MYCBP2: variants seen among roughly 807,000 people sequenced by gnomAD.
The protein encoded by MYCBP2 is E3 ubiquitin-protein ligase MYCBP2.
In MYCBP2, 120 loss-of-function variants were observed where a neutral mutation model predicts 525.3. The observed-to-expected ratio is 0.23, with a 90% confidence interval of 0.20 to 0.27. MYCBP2 has a LOEUF of 0.27. Among genes scored for constraint, MYCBP2 ranks in the 10% least tolerant of loss-of-function variants. MYCBP2 has a pLI of 1.00. For missense variants in MYCBP2, 4,149 were observed against 5,657.1 expected, an observed-to-expected ratio of 0.73 and a Z score of 8.55; for synonymous variants, 1,894 against 1,955.8, an observed-to-expected ratio of 0.97 and a Z score of 0.83.
chr13:77,281,125 T>C (rs193002592), intron 3 of MYCBP2, among the ~76,000 whole-genome samples: 36 of 152,310 alleles, frequency 2.4e-4, no homozygotes, highest in African/African-American at 6.7e-4. Context: ...TGAAGTCTTA[T>C]AGTCAATGAA....
intron 54 of MYCBP2, among the ~76,000 whole-genome samples, chr13:77,123,355 A>T (rs993584928): frequency 2.0e-5 from 3 of 152,206 alleles, no homozygotes; most frequent in African/African-American, 7.2e-5. Context: ...TTACAGAGAA[A>T]AATTTAAACT....
rs185626022 is a variant in MYCBP2 at position 77,260,660 on chromosome 13, T to A, written c.1853-68A>T. On this transcript the variant is annotated intron_variant, in intron 12 of 82. Coordinates refer to ENST00000544440, the MANE Select transcript of MYCBP2 (RefSeq NM_015057.5). ...AATAATAATAATAATGGTTTGTATA[T>A]AAAGCTAAAAAAAAAACCCATATTA... 9.1e-5 allele frequency: 121 copies of A among 1,335,222 alleles called. No homozygotes were observed. In the African/African-American group the frequency reaches 1.7e-3, roughly 19 times the overall value. The allele number at this position is 1,335,222 out of a possible 1,614,324, so 82.7% of individuals were successfully genotyped here. A position where few individuals can be genotyped will look rare whatever the true frequency, so the allele number is the denominator to read the frequency against.
At chr13:77,199,081 C>T (rs1028212637) in intron 26 of MYCBP2, among the ~76,000 whole-genome samples, 63 of 152,214 alleles carry the variant, frequency 4.1e-4, no homozygotes, top group Non-Finnish European at 8.4e-4. Flanking sequence ...CAGCTCCCAG[C>T]GTGAGCAACA....
chr13:77,299,320 G>T lies in MYCBP2; in HGVS notation c.303-2646C>A, dbSNP rs147724831. Among the ~76,000 whole-genome samples, 983 of 152,192 alleles carry T rather than the reference G, an allele frequency of 6.5e-3. 20 individuals are homozygous for T. Among genetic ancestry groups the T allele is most frequent in the East Asian group, 0.057 (296 of 5,188 alleles). Reference sequence around the variant, plus strand: ...ACATTTCTAAAATACTTCTTTCTATGCATGATGGCATTTAATTGGTTGTAA... The same window carrying T: ...ACATTTCTAAAATACTTCTTTCTATTCATGATGGCATTTAATTGGTTGTAA... On this transcript the variant is annotated intron_variant, in intron 1 of 82. Coordinates refer to ENST00000544440, the MANE Select transcript of MYCBP2 (RefSeq NM_015057.5).
At chr13:77,201,702 C>T (rs1593815861) in intron 26 of MYCBP2, among the ~76,000 whole-genome samples, 2 of 151,704 alleles carry the variant, frequency 1.3e-5, no homozygotes, top group East Asian at 3.9e-4. Context: ...TCTCTCAGAC[C>T]ACAGTGCAAT....
rs568670212 is a variant in MYCBP2, at chr13:77,225,574, T to C, written c.2738-20A>G. 1.6e-5 allele frequency: 25 copies of C among 1,612,496 alleles called. No individual in the cohort carries two copies. The South Asian group carries it at 2.7e-4, about 18-fold the overall frequency. The stretch of plus-strand genomic sequence containing the variant: ...TTCCATCTGCAAGTGTTATAATTTG[T>C]GAATTATGATTAAGCCATTATTCAT... On this transcript the variant is annotated intron_variant, in intron 18 of 82. Transcript: ENST00000544440.
intron 1 of MYCBP2, among the ~76,000 whole-genome samples, chr13:77,313,574 C>T (rs2080536835): frequency 6.6e-6 from 1 of 152,088 alleles, no homozygotes; most frequent in Admixed American, 6.5e-5. Context: ...TTTTTAGCTA[C>T]AACACCAAGG....
intron 3 of MYCBP2, among the ~76,000 whole-genome samples, chr13:77,284,422 A>C (rs1488004123): frequency 1.3e-5 from 2 of 152,176 alleles, no homozygotes; most frequent in Non-Finnish European, 2.9e-5. Flanking sequence ...ACTTGCCTTC[A>C]AATCCCATCA....
chr13:77,057,226 AT>A, intron 78 of MYCBP2, 133 bp from the exon 79 acceptor site: 7 of 603,292 alleles, frequency 1.2e-5, no homozygotes. Flanking sequence ...TATAATGAAA[AT>A]TCATTGGGAC....
chr13:77,067,888 G>T lies in MYCBP2; in HGVS notation c.12172-24C>A, dbSNP rs550674669. 10 of 1,583,716 alleles carry T rather than the reference G, an allele frequency of 6.3e-6. No homozygotes were observed. In the South Asian group the frequency reaches 1.1e-4, roughly 18 times the overall value. Reference sequence around the variant, plus strand: ...ACCTGGTAAGAAAAATAAAATGAGAGAATTCCATGTAAAGACTAATGTTTT... The same window carrying T: ...ACCTGGTAAGAAAAATAAAATGAGATAATTCCATGTAAAGACTAATGTTTT... On this transcript the variant is annotated intron_variant, in intron 70 of 82. Coordinates refer to ENST00000544440, the MANE Select transcript of MYCBP2 (RefSeq NM_015057.5).
chr13:77,185,880 G>A lies in MYCBP2; in HGVS notation c.4435C>T (p.Pro1479Ser), dbSNP rs2060670980. Residue 1479 changes from proline to serine, a missense_variant, in exon 31 of 83, where the codon CCA becomes TCA. Physicochemically the swap from Pro to Ser is moderately conservative, Grantham distance 74 (BLOSUM62 -1). Transcript: ENST00000544440. The stretch of plus-strand genomic sequence containing the variant: ...AAAAAATGCATCATACCTGACACTG[G>A]GTAAATTTCACAGGTATAGACACGC... ...LLRVYTCEIY[P>S]VSATGKAVVE... The A allele has an allele frequency of 6.3e-7, 1 of 1,578,580 alleles. No homozygotes were observed. The highest frequency in any genetic ancestry group is 2.3e-5 in the East Asian group (1 of 44,016).
In MYCBP2 at chr13:77,064,654, T is replaced by G; in HGVS notation, c.12633A>C (p.Glu4211Asp). Residue 4211 changes from glutamate (E) to aspartate (D), a missense_variant, in exon 73 of 83, where the codon GAA (glutamate) becomes GAC (aspartate). Coordinates refer to ENST00000544440, the MANE Select transcript of MYCBP2 (RefSeq NM_015057.5). ...ETIIALTKME[E>D]EFRSPVRCIA... ...TACATCTCACTGGAGACCTAAATTC[T>G]TCTTCCATCTTGGTCAAGGCAATGA... The G allele has an allele frequency of 6.2e-7, 1 of 1,613,640 alleles. No homozygotes were observed. Among genetic ancestry groups the G allele is most frequent in the Non-Finnish European group, 8.5e-7 (1 of 1,179,764 alleles).
chr13:77,282,636 T>G (rs543235921), intron 3 of MYCBP2, among the ~76,000 whole-genome samples: 1 of 152,258 alleles, frequency 6.6e-6, no homozygotes, highest in African/African-American at 2.4e-5. Context: ...GCCTACATAG[T>G]GATAACTCCC....
At chr13:77,120,651 T>C (rs975472051) in intron 55 of MYCBP2, among the ~76,000 whole-genome samples, 1 of 152,280 alleles carries the variant, frequency 6.6e-6, no homozygotes, top group South Asian at 2.1e-4. Flanking sequence ...ATCAGGTACA[T>C]AGGAAAGAAC....
chr13:77,197,613 T>A (rs1320420734), intron 26 of MYCBP2, among the ~76,000 whole-genome samples: 5 of 152,088 alleles, frequency 3.3e-5, no homozygotes, highest in Admixed American at 3.3e-4. Flanking sequence ...CATATACGAA[T>A]ATGTGAAGAA....
intron 20 of MYCBP2, among the ~76,000 whole-genome samples, chr13:77,219,417 G>A (rs1464199918): frequency 1.3e-5 from 2 of 150,414 alleles, no homozygotes; most frequent in Non-Finnish European, 3.0e-5. Context: ...GAAAAAGAAA[G>A]GAGAGCCAGC....
Position 77,326,985 on chromosome 13 carries a change from T to C in MYCBP2, c.-210A>G. On this transcript the variant is annotated 5_prime_UTR_variant, in exon 1 of 83. Coordinates refer to ENST00000544440, the MANE Select transcript of MYCBP2 (RefSeq NM_015057.5). The surrounding 1 kb of genome is among the most constrained non-coding windows in gnomAD (Gnocchi z 4.2). Reference sequence around the variant, plus strand: ...CCGCCCTCGCCGCTACTGGGGCCGCTCATCTAACCCCGCCACCCCGGGAAT... The same window carrying C: ...CCGCCCTCGCCGCTACTGGGGCCGCCCATCTAACCCCGCCACCCCGGGAAT... 4.3e-6 allele frequency: 2 copies of C among 465,074 alleles called. 1 individual carries two copies. The highest frequency in any genetic ancestry group is 1.1e-3 in the Middle Eastern group (2 of 1,818). The allele number at this position is 465,074 out of a possible 1,614,324, so 28.8% of individuals were successfully genotyped here. A position where few individuals can be genotyped will look rare whatever the true frequency, so the allele number is the denominator to read the frequency against.
At chr13:77,188,370 T>C (rs2154255091) in intron 30 of MYCBP2, among the ~76,000 whole-genome samples, 1 of 152,310 alleles carries the variant, frequency 6.6e-6, no homozygotes, top group South Asian at 2.1e-4. Context: ...TCATTAGAAA[T>C]TCAAAATGCT....
At chr13:77,168,370 C>A (rs2058760035) in intron 40 of MYCBP2, 58 bp downstream of exon 40, 2 of 1,417,506 alleles carry the variant, frequency 1.4e-6, no homozygotes, top group African/African-American at 2.8e-5. Flanking sequence ...TTTAAGATAT[C>A]ATCAGAGAAC....
Sources: gnomAD v4.1 joint callset for allele counts (sites outside exome capture counted in the v4.1 genomes callset) on GRCh38, gnomAD v4.1.1 for gene constraint, Gnocchi (gnomAD v3.1) non-coding constraint, MANE v1.5 for transcripts, NCBI Gene and HGNC (gene_info 2026-07-23, HGNC 2026-07-21) for gene names.